Variants in SPAG16 observed in about 807,000 individuals in gnomAD.
The protein encoded by SPAG16 is sperm associated antigen 16.
Under a neutral mutation model 80.4 loss-of-function variants are expected in SPAG16, and 86 were observed. The observed-to-expected ratio is 1.07, with a 90% confidence interval of 0.90 to 1.28. SPAG16 has a LOEUF of 1.28. Ranked by LOEUF, SPAG16 falls within the 50% of genes most tolerant of loss-of-function variation. SPAG16 has a pLI of 0.00. For synonymous variants in SPAG16, 294 were observed against 265.9 expected, an observed-to-expected ratio of 1.11 and a Z score of -1.03; for missense variants, 870 against 765.3, an observed-to-expected ratio of 1.14 and a Z score of -1.61.
chr2:213,584,840 C>G (rs577198473), intron 10 of SPAG16, among the ~76,000 whole-genome samples: 4 of 152,134 alleles, frequency 2.6e-5, no homozygotes, highest in Admixed American at 1.3e-4. Flanking sequence ...AACTAGCATG[C>G]CTGGTGGTGT....
intron 14 of SPAG16, among the ~76,000 whole-genome samples, chr2:214,148,816 T>C (rs1277866475): frequency 6.6e-6 from 1 of 152,016 alleles, no homozygotes; most frequent in Non-Finnish European, 1.5e-5. Flanking sequence ...TTTTGTTTTG[T>C]TACATCTTCT....
At chr2:213,760,147 T>C (rs2068575810) in intron 10 of SPAG16, among the ~76,000 whole-genome samples, 1 of 152,058 alleles carries the variant, frequency 6.6e-6, no homozygotes. Flanking sequence ...ACTGGCAAAA[T>C]AGATTTTTTT....
At chr2:213,372,262 A>G (rs1485898670) in intron 8 of SPAG16, among the ~76,000 whole-genome samples, 1 of 152,096 alleles carries the variant, frequency 6.6e-6, no homozygotes, top group Admixed American at 6.6e-5. Context: ...GATCATAATG[A>G]TACATATAAT....
chr2:213,616,875 A>C (rs368523673), intron 10 of SPAG16, among the ~76,000 whole-genome samples: 7 of 152,172 alleles, frequency 4.6e-5, no homozygotes, highest in African/African-American at 1.4e-4. Flanking sequence ...CTGAGACAAG[A>C]AGCAGTATTG....
chr2:214,157,402 A>G (rs117716960), intron 15 of SPAG16, among the ~76,000 whole-genome samples: 1 of 152,148 alleles, frequency 6.6e-6, no homozygotes, highest in Non-Finnish European at 1.5e-5. Context: ...GTTATGCTTT[A>G]TCTGGAAATT....
intron 10 of SPAG16, among the ~76,000 whole-genome samples, chr2:213,812,019 C>T (rs1397773110): frequency 6.6e-6 from 1 of 152,064 alleles, no homozygotes; most frequent in Admixed American, 6.5e-5. Flanking sequence ...ATGGGCCTAG[C>T]AACAGGAGTT....
chr2:213,873,557 A>G (rs927817573), intron 11 of SPAG16, among the ~76,000 whole-genome samples: 1 of 151,232 alleles, frequency 6.6e-6, no homozygotes, highest in African/African-American at 2.4e-5. Flanking sequence ...TTCTTTTTCT[A>G]CTTGCTTAAG....
chr2:214,094,004 G>A (rs936238455), intron 13 of SPAG16, among the ~76,000 whole-genome samples: 5 of 151,966 alleles, frequency 3.3e-5, no homozygotes, highest in Admixed American at 6.6e-5. Context: ...CACAAGGAAC[G>A]ACCATATCAC....
intron 13 of SPAG16, among the ~76,000 whole-genome samples, chr2:214,071,994 G>T (rs2050808125): frequency 6.6e-6 from 1 of 151,970 alleles, no homozygotes; most frequent in African/African-American, 2.4e-5. Flanking sequence ...TCATAAATAT[G>T]TACAAGCTAT....
At chr2:213,724,004 C>T (rs549668624) in intron 10 of SPAG16, among the ~76,000 whole-genome samples, 1 of 152,180 alleles carries the variant, frequency 6.6e-6, no homozygotes, top group African/African-American at 2.4e-5. Context: ...GAAAGATAAA[C>T]CACAGGCACA....
rs200535961 is a variant in SPAG16, at chr2:214,014,096, T to A, written c.1527+19T>A. 3 of 1,610,378 alleles carry A rather than the reference T, an allele frequency of 1.9e-6. No homozygotes were observed. The highest frequency in any genetic ancestry group is 2.5e-6 in the Non-Finnish European group (3 of 1,178,682). ...AAGAACAGTAAGCAAATCATTCACT[T>A]TTTTTCCCAGCTTTTGATAAGTCTG... On this transcript the variant is annotated intron_variant, in intron 13 of 15. Coordinates refer to ENST00000331683, the MANE Select transcript of SPAG16 (RefSeq NM_024532.5).
intron 11 of SPAG16, among the ~76,000 whole-genome samples, chr2:213,886,898 G>T (rs1166230536): frequency 6.6e-6 from 1 of 152,074 alleles, no homozygotes; most frequent in Non-Finnish European, 1.5e-5. Context: ...AACAGTTGGA[G>T]AGAAATATTA....
intron 10 of SPAG16, among the ~76,000 whole-genome samples, chr2:213,861,189 C>T (rs895177380): frequency 6.6e-6 from 1 of 152,148 alleles, no homozygotes; most frequent in Non-Finnish European, 1.5e-5. Flanking sequence ...GGTTACATGG[C>T]TTTGACCTGA....
intron 15 of SPAG16, among the ~76,000 whole-genome samples, chr2:214,211,285 A>C (rs2058286611): frequency 6.6e-6 from 1 of 152,224 alleles, no homozygotes; most frequent in Admixed American, 6.5e-5. Context: ...GCTGAATCAA[A>C]ATGTGTTTCA....
intron 14 of SPAG16, among the ~76,000 whole-genome samples, chr2:214,133,749 T>C (rs1206023937): frequency 6.6e-6 from 1 of 152,060 alleles, no homozygotes; most frequent in African/African-American, 2.4e-5. Context: ...CCAGTGTGAG[T>C]TGATGACAGG....
At chr2:213,384,875 C>T (rs1290367199) in intron 9 of SPAG16, among the ~76,000 whole-genome samples, 3 of 152,294 alleles carry the variant, frequency 2.0e-5, no homozygotes, top group South Asian at 4.1e-4. Flanking sequence ...ATCTTCCTAG[C>T]GTTCTATGGT....
At chr2:214,208,867 G>C (rs1369316402) in intron 15 of SPAG16, among the ~76,000 whole-genome samples, 1 of 152,134 alleles carries the variant, frequency 6.6e-6, no homozygotes, top group Non-Finnish European at 1.5e-5. Context: ...CTACCTCATA[G>C]GTTTGTGGTG....
chr2:213,678,416 A>G lies in SPAG16; in HGVS notation c.1071-184069A>G, dbSNP rs193272805. ...AAGAGAGAAGAATCAAATAGACACA[A>G]TAAAAAATGATAAAGGGGATATCAC... On this transcript the variant is annotated intron_variant, in intron 10 of 15. Transcript: ENST00000331683. 2.5e-3 allele frequency among the ~76,000 whole-genome samples: 385 copies of G among 152,322 alleles called. 3 individuals carry two copies. Among genetic ancestry groups the G allele is most frequent in the Non-Finnish European group, 4.3e-3 (290 of 68,026 alleles).
intron 13 of SPAG16, among the ~76,000 whole-genome samples, chr2:214,070,079 A>AT (rs2050717656): frequency 7.0e-6 from 1 of 142,192 alleles, no homozygotes; most frequent in Non-Finnish European, 1.5e-5. Context: ...CCTCTTGGGG[A>AT]ATTTTTTTTT....
Sources: gnomAD v4.1 joint callset for allele counts (sites outside exome capture counted in the v4.1 genomes callset) on GRCh38, gnomAD v4.1.1 for gene constraint, MANE v1.5 for transcripts, NCBI Gene and HGNC (gene_info 2026-07-23, HGNC 2026-07-21) for gene names.